Variants in PTPRD observed in about 807,000 individuals in gnomAD.
PTPRD encodes protein tyrosine phosphatase receptor type D, also known as receptor-type tyrosine-protein phosphatase delta.
A neutral mutation model predicts 214.5 loss-of-function variants in PTPRD; 34 were observed. That is an observed-to-expected ratio of 0.16 (90% CI 0.12 to 0.21). The LOEUF (loss-of-function observed/expected upper bound fraction) is 0.21, where lower values mean the gene tolerates loss of function less well. PTPRD is among the 10% of genes least tolerant of loss of function. The pLI, the probability that PTPRD is intolerant of heterozygous loss-of-function variation, is 1.00. For missense variants in PTPRD, 2,545 were observed against 2,398.7 expected, an observed-to-expected ratio of 1.06 and a Z score of -1.27; for synonymous variants, 1,128 against 845.7, an observed-to-expected ratio of 1.33 and a Z score of -5.79.
Position 8,855,678 on chromosome 9 carries a change from G to A in PTPRD, c.-103-121732C>T, listed in dbSNP as rs539962873. On this transcript the variant is annotated intron_variant, in intron 11 of 45. Coordinates refer to ENST00000381196, the MANE Select transcript of PTPRD (RefSeq NM_002839.4). Reference sequence around the variant, plus strand: ...ATAAAAATTGAATGCCACTTTTACAGGAGTAAAAATCTAAACGTATTTCCC... The same window carrying A: ...ATAAAAATTGAATGCCACTTTTACAAGAGTAAAAATCTAAACGTATTTCCC... Among the ~76,000 whole-genome samples, 77 of 152,198 alleles carry A rather than the reference G, an allele frequency of 5.1e-4. 1 individual carries two copies. Among genetic ancestry groups the A allele is most frequent in the African/African-American group, 1.8e-3 (73 of 41,534 alleles).
intron 8 of PTPRD, among the ~76,000 whole-genome samples, chr9:9,510,891 A>C (rs2096688320): frequency 6.6e-6 from 1 of 151,782 alleles, no homozygotes; most frequent in Admixed American, 6.6e-5. Context: ...AAGAAAGGAA[A>C]GTTTAATCAC....
intron 5 of PTPRD, among the ~76,000 whole-genome samples, chr9:9,911,317 G>C (rs934522439): frequency 3.3e-5 from 5 of 152,026 alleles, no homozygotes; most frequent in African/African-American, 1.2e-4. Flanking sequence ...CTTACTTAGA[G>C]TCTCTGTGTG....
intron 9 of PTPRD, among the ~76,000 whole-genome samples, chr9:9,202,352 G>A (rs1593452426): frequency 6.6e-6 from 1 of 152,224 alleles, no homozygotes; most frequent in East Asian, 1.9e-4. Context: ...ATCCTGATAT[G>A]TTTATGACAT....
chr9:9,261,218 G>C (rs943500922), intron 9 of PTPRD, among the ~76,000 whole-genome samples: 2 of 151,824 alleles, frequency 1.3e-5, no homozygotes, highest in African/African-American at 2.4e-5. Flanking sequence ...TTATTAAGCA[G>C]AGATATGCAA....
At chr9:9,479,347 GCACACACA>G (rs5896339) in intron 8 of PTPRD, among the ~76,000 whole-genome samples, 3 of 146,668 alleles carry the variant, frequency 2.0e-5, no homozygotes, top group Non-Finnish European at 4.5e-5. Flanking sequence ...GAAAACTGAT[GCACACACA>G]CACACACACA....
intron 9 of PTPRD, among the ~76,000 whole-genome samples, chr9:9,287,333 C>T (rs544209215): frequency 1.1e-4 from 17 of 151,880 alleles, no homozygotes; most frequent in Non-Finnish European, 1.9e-4. Flanking sequence ...ACTATTTCAT[C>T]GTCACCTTTT....
chr9:9,020,209 T>C (rs560168532), intron 10 of PTPRD, among the ~76,000 whole-genome samples: 1 of 152,320 alleles, frequency 6.6e-6, no homozygotes, highest in Admixed American at 6.5e-5. Flanking sequence ...ATGATAATTA[T>C]ACCTTAATAA....
At chr9:9,328,111 A>T (rs2040754531) in intron 9 of PTPRD, among the ~76,000 whole-genome samples, 1 of 152,144 alleles carries the variant, frequency 6.6e-6, no homozygotes, top group South Asian at 2.1e-4. Flanking sequence ...AACTCTGTGA[A>T]TTTAGATTAA....
chr9:9,025,905 T>C (rs922205298), intron 10 of PTPRD, among the ~76,000 whole-genome samples: 1 of 152,062 alleles, frequency 6.6e-6, no homozygotes, highest in South Asian at 2.1e-4. Context: ...TTTGAACATC[T>C]ACCATGTGTT....
chr9:9,804,797 A>C (rs1438638146), intron 5 of PTPRD, among the ~76,000 whole-genome samples: 1 of 151,540 alleles, frequency 6.6e-6, no homozygotes, highest in African/African-American at 2.4e-5. Context: ...TTATAATCAG[A>C]TGATTCAAAA....
intron 3 of PTPRD, among the ~76,000 whole-genome samples, chr9:10,058,729 A>T (rs1014444823): frequency 6.6e-6 from 1 of 152,150 alleles, no homozygotes; most frequent in East Asian, 1.9e-4. Flanking sequence ...AAGAAGGTCC[A>T]TAAGTTTGCA....
chr9:10,235,176 T>C (rs181875235), intron 3 of PTPRD, among the ~76,000 whole-genome samples: 448 of 152,130 alleles, frequency 2.9e-3, no homozygotes, highest in African/African-American at 0.01. Flanking sequence ...TGTTTAAATA[T>C]TGTGAATGTT....
At chr9:10,043,745 A>G (rs1432787420) in intron 3 of PTPRD, among the ~76,000 whole-genome samples, 1 of 151,880 alleles carries the variant, frequency 6.6e-6, no homozygotes, top group Non-Finnish European at 1.5e-5. Context: ...GGATGAAGCC[A>G]CTGGTGCTGC....
chr9:8,451,355 C>T (rs994854318), intron 33 of PTPRD, among the ~76,000 whole-genome samples: 3 of 152,098 alleles, frequency 2.0e-5, no homozygotes, highest in Admixed American at 2.0e-4. Flanking sequence ...ACCCATTCCA[C>T]CAATCAGAGG....
chr9:10,392,120 T>TC (rs1172802870), intron 2 of PTPRD, among the ~76,000 whole-genome samples: 1 of 151,936 alleles, frequency 6.6e-6, no homozygotes, highest in Non-Finnish European at 1.5e-5. Context: ...TGTCTCTTCT[T>TC]CTGTAATGTA....
At chr9:8,437,714 T>C (rs2095409089) in intron 34 of PTPRD, among the ~76,000 whole-genome samples, 1 of 152,016 alleles carries the variant, frequency 6.6e-6, no homozygotes, top group African/African-American at 2.4e-5. Context: ...GAGAAATGGA[T>C]TCAGGGAAGT....
chr9:8,585,569 C>G (rs1181941035), intron 14 of PTPRD, among the ~76,000 whole-genome samples: 3 of 152,184 alleles, frequency 2.0e-5, no homozygotes, highest in Non-Finnish European at 4.4e-5. Flanking sequence ...AACATGACAA[C>G]TCTGTACCAT....
chr9:8,436,635 C>T lies in PTPRD; in HGVS notation c.4043G>A (p.Arg1348Lys). 6.2e-7 allele frequency: 1 copy of T among 1,613,590 alleles called. No individual in the cohort carries two copies. The highest frequency in any genetic ancestry group is 1.1e-5 in the South Asian group (1 of 91,074). ...CTTCAAGTTGTCATTTGCTTTCAAT[C>T]TTTCAATGTGGTCTGCAAGTTCCAA... The part of the protein sequence containing the change: ...PILELADHIE[R>K]LKANDNLKFS... Residue 1348 changes from arginine (R) to lysine (K), a missense_variant, in exon 35 of 46, where the codon AGA becomes AAA. Transcript: ENST00000381196.
rs778129787 is a variant in PTPRD, at chr9:8,521,314, C to A, written c.924G>T (p.Leu308=). The A allele has an allele frequency of 6.2e-7, 1 of 1,613,872 alleles. No individual in the cohort carries two copies. The highest frequency in any genetic ancestry group is 8.5e-7 in the Non-Finnish European group (1 of 1,179,842). The change falls in exon 20 of 46, where the codon CTG becomes CTT. Residue 308 remains leucine (L), a synonymous_variant. Transcript: ENST00000381196. ...ANYTCVAMST[L]GVIEAIAQIT... ...TCTGTGCTATTGCTTCAATGACACC[C>A]AGTGTTGACATAGCAACACAGGTGT...
Sources: allele counts gnomAD v4.1 joint callset (sites outside exome capture counted in the v4.1 genomes callset), GRCh38; gene constraint gnomAD v4.1.1; transcripts MANE v1.5; gene names NCBI Gene and HGNC (gene_info 2026-07-23, HGNC 2026-07-21).